Variants in MIXL1 observed in about 807,000 individuals in gnomAD.
The protein encoded by MIXL1 is homeobox protein MIXL1.
MIXL1 carries 9 observed loss-of-function variants against 9.3 expected under a neutral mutation model. The ratio of observed to expected loss-of-function variants is 0.97; its 90% CI spans 0.58 to 1.69. The LOEUF (loss-of-function observed/expected upper bound fraction) is 1.69. Ranked by LOEUF, MIXL1 falls within the 40% of genes most tolerant of loss-of-function variation. The pLI is 0.00. For missense variants in MIXL1, 330 were observed against 331.7 expected, an observed-to-expected ratio of 0.99 and a Z score of 0.04; for synonymous variants, 164 against 155.6, an observed-to-expected ratio of 1.05 and a Z score of -0.40.
chr1:226,225,411 G>T lies in MIXL1; in HGVS notation c.394-96G>T, dbSNP rs181313798. 3 of 1,372,660 alleles carry T rather than the reference G, an allele frequency of 2.2e-6. No homozygotes were observed. The African/African-American group carries it at 4.3e-5, about 20-fold the overall frequency. 85.0% of individuals were successfully genotyped at this position (1,372,660 alleles called of 1,614,324 possible). On this transcript the variant is annotated intron_variant, in intron 1 of 1. Transcript: ENST00000366810. ...CAAGGCTCTGGAGAGGAAGCCAGGG[G>T]ATGTTAAACTGGAACTTACCAGTAT...
Position 226,223,768 on chromosome 1 carries a change from C to G in MIXL1, c.87C>G (p.Leu29=). ...GGGCCCCCCACGCCGGCGGGGCGCTCCTGCCGCCCCCGAGCCCTGCGGCAG... is the reference window on the plus strand; with the variant it reads ...GGGCCCCCCACGCCGGCGGGGCGCTGCTGCCGCCCCCGAGCCCTGCGGCAG... ...AYRAPHAGGA[L]LPPPSPAAAL... is the part of the protein sequence containing the mutation. The change falls in exon 1 of 2, where the codon CTC becomes CTG. Residue 29 remains leucine (L), a synonymous_variant. Coordinates refer to ENST00000366810, the MANE Select transcript of MIXL1 (RefSeq NM_031944.3). 7.1e-7 allele frequency: 1 copy of G among 1,404,298 alleles called. No individual in the cohort carries two copies. Among genetic ancestry groups the G allele is most frequent in the Non-Finnish European group, 9.2e-7 (1 of 1,081,494 alleles). 87.0% of individuals were successfully genotyped at this position (1,404,298 alleles called of 1,614,324 possible). A position where few individuals can be genotyped will look rare whatever the true frequency, so the allele number is the denominator to read the frequency against.
rs1185822550 is a variant in MIXL1 at position 226,226,065 on chromosome 1, T to C, written c.*253T>C. 4.8e-6 allele frequency: 2 copies of C among 414,010 alleles called. No homozygotes were observed. Among genetic ancestry groups the C allele is most frequent in the Non-Finnish European group, 8.7e-6 (2 of 229,640 alleles). The allele number at this position is 414,010 out of a possible 1,614,324, so 25.6% of individuals were successfully genotyped here. A position where few individuals can be genotyped will look rare whatever the true frequency, so the allele number is the denominator to read the frequency against. On this transcript the variant is annotated 3_prime_UTR_variant, in exon 2 of 2. Transcript: ENST00000366810. ...GTTCTCTCCAAGCCTGCACATTCCA[T>C]TGGTCTGCATCCCTATGCCTTCTTG...
Position 226,223,936 on chromosome 1 carries a change from GCAGCGCCGCAAGCGCACGTCTTT to G in MIXL1, c.264_286del (p.Lys89ThrfsTer58), listed in dbSNP as rs1657084393. 1 of 1,411,908 alleles carries G rather than the reference GCAGCGCCGCAAGCGCACGTCTTT, an allele frequency of 7.1e-7. No individual in the cohort carries two copies. Among genetic ancestry groups the G allele is most frequent in the African/African-American group, 1.4e-5 (1 of 69,022 alleles). 87.5% of individuals were successfully genotyped at this position (1,411,908 alleles called of 1,614,324 possible). ...AAGGCGCGGCCGCCCCGTCGGCGTC[GCAGCGCCGCAAGCGCACGTCTTT>G]CAGCGCCGAACAGCTGCAGCTGCTG... On this transcript the variant is annotated frameshift_variant, in exon 1 of 2. Transcript: ENST00000366810. LOFTEE classifies it high-confidence loss of function.
chr1:226,226,865 G>C lies in MIXL1; in HGVS notation c.*1053G>C, dbSNP rs1160518661. 6.6e-6 allele frequency: 1 copy of C among 152,044 alleles called. No homozygotes were observed. The highest frequency in any genetic ancestry group is 1.5e-5 in the Non-Finnish European group (1 of 68,020). 9.4% of individuals were successfully genotyped at this position (152,044 alleles called of 1,614,324 possible). On this transcript the variant is annotated 3_prime_UTR_variant, in exon 2 of 2. Transcript: ENST00000366810. ...TTTGGTCTTAAAGTCACTCCTTTCA[G>C]TTTTGAACCAAATTCATACCTTTTG...
Position 226,225,971 on chromosome 1 carries a change from C to T in MIXL1, c.*159C>T, listed in dbSNP as rs370047264. 8 of 677,258 alleles carry T rather than the reference C, an allele frequency of 1.2e-5. No homozygotes were observed. The highest frequency in any genetic ancestry group is 5.2e-5 in the East Asian group (2 of 38,544). 42.0% of individuals were successfully genotyped at this position (677,258 alleles called of 1,614,324 possible). A position where few individuals can be genotyped will look rare whatever the true frequency, so the allele number is the denominator to read the frequency against. On this transcript the variant is annotated 3_prime_UTR_variant, in exon 2 of 2. Transcript: ENST00000366810. ...GCACCTCTCACATTTGAAGGTACCCCGCCACTTTGTCAATGACGTTTTAAG... is the reference window on the plus strand; with the variant it reads ...GCACCTCTCACATTTGAAGGTACCCTGCCACTTTGTCAATGACGTTTTAAG...
rs945631681 is a variant in MIXL1 at position 226,226,917 on chromosome 1, C to G, written c.*1105C>G. ...TTTCAAAACACTCGAGGACTCCCCA[C>G]CTGCCTTCTGAAGTCTGAAATTTTC... On this transcript the variant is annotated 3_prime_UTR_variant, in exon 2 of 2. Coordinates refer to ENST00000366810, the MANE Select transcript of MIXL1 (RefSeq NM_031944.3). The G allele has an allele frequency of 6.6e-6, 1 of 152,186 alleles. No individual in the cohort carries two copies. The highest frequency in any genetic ancestry group is 6.5e-5 in the Admixed American group (1 of 15,272). The allele number at this position is 152,186 out of a possible 1,614,324, so 9.4% of individuals were successfully genotyped here. A position where few individuals can be genotyped will look rare whatever the true frequency, so the allele number is the denominator to read the frequency against.
In MIXL1 at chr1:226,223,883, G is replaced by C; in HGVS notation, c.202G>C (p.Ala68Pro). Residue 68 changes from alanine to proline, a missense_variant, in exon 1 of 2, where the codon GCC (alanine) becomes CCC (proline). By Grantham distance (27) the Ala-to-Pro change is conservative. Transcript: ENST00000366810. ...CCCCGGGCCGGCCCCGCCGCCCCCC[G>C]CCAGCCTGGGCTCGCCTGCGCCCCC... The part of the protein sequence containing the change: ...RDPGPAPPPP[A>P]SLGSPAPPKG... 1 of 1,226,238 alleles carries C rather than the reference G, an allele frequency of 8.2e-7. No individual in the cohort carries two copies. The highest frequency in any genetic ancestry group is 1.0e-6 in the Non-Finnish European group (1 of 984,492). 76.0% of individuals were successfully genotyped at this position (1,226,238 alleles called of 1,614,324 possible).
Position 226,225,496 on chromosome 1 carries a change from C to T in MIXL1, c.394-11C>T. The T allele has an allele frequency of 6.2e-7, 1 of 1,611,076 alleles. No individual in the cohort carries two copies. Among genetic ancestry groups the T allele is most frequent in the Non-Finnish European group, 8.5e-7 (1 of 1,178,628 alleles). On this transcript the variant is annotated splice_polypyrimidine_tract_variant and intron_variant, in intron 1 of 1. Coordinates refer to ENST00000366810, the MANE Select transcript of MIXL1 (RefSeq NM_031944.3). ...AACCAAAAGCAGCTTTTATTTTCTC[C>T]CCTCTTCCAGGTATGGTTCCAGAAC...
In MIXL1 at chr1:226,223,999, C is replaced by A; in HGVS notation, c.318C>A (p.Arg106=). 6.9e-7 allele frequency: 1 copy of A among 1,447,936 alleles called. No individual in the cohort carries two copies. Among genetic ancestry groups the A allele is most frequent in the Non-Finnish European group, 9.2e-7 (1 of 1,088,134 alleles). The allele number at this position is 1,447,936 out of a possible 1,614,324, so 89.7% of individuals were successfully genotyped here. A position where few individuals can be genotyped will look rare whatever the true frequency, so the allele number is the denominator to read the frequency against. ...TGCAGCTGCTGGAGCTCGTCTTCCG[C>A]CGGACCCGGTACCCCGACATCCACT... ...EQLQLLELVF[R]RTRYPDIHLR... Residue 106 remains arginine, a synonymous_variant, in exon 1 of 2, where the codon CGC becomes CGA. Transcript: ENST00000366810.
In MIXL1 at chr1:226,223,698, C is replaced by T; in HGVS notation, c.17C>T (p.Ser6Phe). ...TCCGGAGCGATGGCCACAGCCGAGT[C>T]CCGTGCGCTCCAGTTTGCCGAGGGC... MATAE[S>F]RALQFAEGAA... is the part of the protein sequence containing the mutation. Residue 6 changes from serine (S) to phenylalanine (F), a missense_variant, in exon 1 of 2, where the codon TCC becomes TTC. Transcript: ENST00000366810. The T allele has an allele frequency of 6.8e-7, 1 of 1,472,512 alleles. No individual in the cohort carries two copies. The highest frequency in any genetic ancestry group is 1.3e-5 in the South Asian group (1 of 75,982). The allele number at this position is 1,472,512 out of a possible 1,614,324, so 91.2% of individuals were successfully genotyped here. A position where few individuals can be genotyped will look rare whatever the true frequency, so the allele number is the denominator to read the frequency against.
chr1:226,226,951 A>G lies in MIXL1; in HGVS notation c.*1139A>G, dbSNP rs1156846950. On this transcript the variant is annotated 3_prime_UTR_variant, in exon 2 of 2. Transcript: ENST00000366810. The stretch of plus-strand genomic sequence containing the variant: ...TGAAGTCTGAAATTTTCTCTAAGTA[A>G]TCCTGATTTTGCACCTGTTACTTCG... 6.6e-6 allele frequency: 1 copy of G among 152,096 alleles called. No individual in the cohort carries two copies. The highest frequency in any genetic ancestry group is 1.9e-4 in the East Asian group (1 of 5,194). The allele number at this position is 152,096 out of a possible 1,614,324, so 9.4% of individuals were successfully genotyped here. A position where few individuals can be genotyped will look rare whatever the true frequency, so the allele number is the denominator to read the frequency against.
In MIXL1 at chr1:226,225,680, G is replaced by T; in HGVS notation, c.567G>T (p.Gly189=). 6.2e-7 allele frequency: 1 copy of T among 1,614,166 alleles called. No homozygotes were observed. Among genetic ancestry groups the T allele is most frequent in the Non-Finnish European group, 8.5e-7 (1 of 1,180,038 alleles). The change falls in exon 2 of 2, where the codon GGG becomes GGT. Residue 189 remains glycine (G), a synonymous_variant. Transcript: ENST00000366810. ...VDVNCLPEPN[G]VGGGISDSSS... ...TGAACTGCCTGCCCGAACCAAACGG[G>T]GTTGGAGGGGGCATCTCTGACTCTA...
rs2102811483 is a variant in MIXL1 at position 226,226,759 on chromosome 1, T to TA, written c.*948dup. ...TACCAAATTATAAAAAGCTTTCAGTTACCCTCCCAGATAACTGATATCATC... is the reference window on the plus strand; with the variant it reads ...TACCAAATTATAAAAAGCTTTCAGTTAACCCTCCCAGATAACTGATATCATC... On this transcript the variant is annotated 3_prime_UTR_variant, in exon 2 of 2. Transcript: ENST00000366810. The TA allele has an allele frequency of 6.6e-6, 1 of 151,912 alleles. No homozygotes were observed. Among genetic ancestry groups the TA allele is most frequent in the South Asian group, 2.1e-4 (1 of 4,820 alleles). 9.4% of individuals were successfully genotyped at this position (151,912 alleles called of 1,614,324 possible). A position where few individuals can be genotyped will look rare whatever the true frequency, so the allele number is the denominator to read the frequency against.
At chr1:226,224,163 G>A in intron 1 of MIXL1, 89 bp downstream of exon 1, 2 of 1,184,524 alleles carry the variant, frequency 1.7e-6, no homozygotes, top group East Asian at 3.2e-5. Flanking sequence ...GGCCACACCC[G>A]GGACGTTGCA....
intron 1 of MIXL1, among the ~76,000 whole-genome samples, chr1:226,224,784 C>G (rs1488201229): frequency 6.6e-6 from 1 of 152,124 alleles, no homozygotes; most frequent in Non-Finnish European, 1.5e-5. Context: ...AGATTACAGG[C>G]GCCAGCCACC....
Position 226,225,566 on chromosome 1 carries a change from T to TTTGG in MIXL1, c.454_457dup (p.Ala153ValfsTer3). On this transcript the variant is annotated frameshift_variant, in exon 2 of 2. Transcript: ENST00000366810. LOFTEE classifies it low-confidence loss of function (END_TRUNC). ...GTCAGAGTGGGAAATCCTTCCAACC[T>TTTGG]TTGGCTAGGCCGGAGATTATCCTCA... 1 of 1,614,236 alleles carries TTTGG rather than the reference T, an allele frequency of 6.2e-7. No homozygotes were observed. Among genetic ancestry groups the TTTGG allele is most frequent in the Non-Finnish European group, 8.5e-7 (1 of 1,180,050 alleles).
At position 226,225,472 on chromosome 1, in the gene MIXL1, AC is replaced by A. The variant is rs747771647; in HGVS notation, c.394-33del. The stretch of plus-strand genomic sequence containing the variant: ...CATAATGTTAGCATAAAAAACTCCA[AC>A]CAAAAGCAGCTTTTATTTTCTCCCC... On this transcript the variant is annotated intron_variant, in intron 1 of 1. Coordinates refer to ENST00000366810, the MANE Select transcript of MIXL1 (RefSeq NM_031944.3). 13 of 1,603,538 alleles carry A rather than the reference AC, an allele frequency of 8.1e-6. No individual in the cohort carries two copies. The Admixed American group carries it at 1.7e-4, about 21-fold the overall frequency.
Position 226,223,839 on chromosome 1 carries a change from C to G in MIXL1, c.158C>G (p.Ala53Gly), listed in dbSNP as rs1483082205. The G allele has an allele frequency of 7.5e-6, 9 of 1,199,894 alleles. No homozygotes were observed. The highest frequency in any genetic ancestry group is 9.3e-6 in the Non-Finnish European group (9 of 969,482). 74.3% of individuals were successfully genotyped at this position (1,199,894 alleles called of 1,614,324 possible). A position where few individuals can be genotyped will look rare whatever the true frequency, so the allele number is the denominator to read the frequency against. The change falls in exon 1 of 2, where the codon GCG (alanine) becomes GGG (glycine). Residue 53 changes from alanine (A) to glycine (G), a missense_variant. By Grantham distance (60) the Ala-to-Gly change is moderately conservative. Coordinates refer to ENST00000366810, the MANE Select transcript of MIXL1 (RefSeq NM_031944.3). The part of the protein sequence containing the change: ...PPAGPGPATF[A>G]GFLGRDPGPA... ...GCGGGCCCCGGCCCAGCGACCTTTG[C>G]GGGCTTCCTCGGCCGGGACCCCGGG...
At position 226,223,681 on chromosome 1, in the gene MIXL1, G is replaced by A; in HGVS notation, c.-1G>A. On this transcript the variant is annotated 5_prime_UTR_variant, in exon 1 of 2. Transcript: ENST00000366810. ...CGAGCGGCGCGCTGGGTTCCGGAGC[G>A]ATGGCCACAGCCGAGTCCCGTGCGC... The A allele has an allele frequency of 1.0e-5, 15 of 1,431,500 alleles. No homozygotes were observed. Among genetic ancestry groups the A allele is most frequent in the Non-Finnish European group, 1.4e-5 (15 of 1,097,930 alleles). 88.7% of individuals were successfully genotyped at this position (1,431,500 alleles called of 1,614,324 possible). A position where few individuals can be genotyped will look rare whatever the true frequency, so the allele number is the denominator to read the frequency against.
Sources: allele counts gnomAD v4.1 joint callset (sites outside exome capture counted in the v4.1 genomes callset), GRCh38; gene constraint gnomAD v4.1.1; transcripts MANE v1.5; gene names NCBI Gene and HGNC (gene_info 2026-07-23, HGNC 2026-07-21).